CSMD1: variants seen among roughly 807,000 people sequenced by gnomAD.
The protein encoded by CSMD1 is CUB and Sushi multiple domains 1, also known as CUB and sushi domain-containing protein 1.
Under a neutral mutation model 417.5 loss-of-function variants are expected in CSMD1, and 213 were observed. The observed-to-expected ratio is 0.51, with a 90% CI of 0.46 to 0.57. CSMD1 has a LOEUF of 0.57. Ranked by LOEUF, CSMD1 falls within the 20% of genes least tolerant of loss-of-function variation. The pLI is 0.00. For synonymous variants in CSMD1, 2,862 were observed against 1,736.8 expected, an observed-to-expected ratio of 1.65 and a Z score of -16.11; for missense variants, 6,923 against 4,529.7, an observed-to-expected ratio of 1.53 and a Z score of -15.17.
intron 7 of CSMD1, among the ~76,000 whole-genome samples, chr8:3,634,876 G>C (rs1796955849): frequency 6.6e-6 from 1 of 152,124 alleles, no homozygotes; most frequent in Non-Finnish European, 1.5e-5. Context: ...CCCAATCCTA[G>C]ATAGTAGAGC....
intron 1 of CSMD1, chr8:4,787,783 G>A: frequency 2.5e-6 from 4 of 1,574,586 alleles, no homozygotes; most frequent in Non-Finnish European, 3.5e-6. Context: ...ACTTGTTACA[G>A]GCCAGACTGA....
At chr8:2,948,579 G>T (rs928894202) in intron 68 of CSMD1, among the ~76,000 whole-genome samples, 7 of 151,946 alleles carry the variant, frequency 4.6e-5, no homozygotes, top group African/African-American at 1.5e-4. Flanking sequence ...TGTTTCATAG[G>T]TAGTATAATT....
chr8:4,620,717 G>C (rs2616976), intron 2 of CSMD1, among the ~76,000 whole-genome samples: 75,692 of 151,532 alleles, frequency 0.5, 19,704 homozygotes, highest in African/African-American at 0.65. Context: ...TAAATTACTA[G>C]TAAATCACTA....
At chr8:4,119,823 A>T (rs1450400955) in intron 3 of CSMD1, among the ~76,000 whole-genome samples, 1 of 152,202 alleles carries the variant, frequency 6.6e-6, no homozygotes, top group African/African-American at 2.4e-5. Context: ...TATGATTTTA[A>T]AACTCCTACA....
intron 5 of CSMD1, among the ~76,000 whole-genome samples, chr8:3,900,970 G>C (rs148319182): frequency 5.2e-4 from 79 of 152,338 alleles, no homozygotes; most frequent in African/African-American, 1.7e-3. Context: ...AACAGAGCCT[G>C]AAACTTTATG....
intron 1 of CSMD1, among the ~76,000 whole-genome samples, chr8:4,957,610 A>G (rs1468619661): frequency 1.3e-5 from 2 of 152,194 alleles, no homozygotes; most frequent in African/African-American, 2.4e-5. Context: ...CATATGAAAG[A>G]AAAAAATGCA....
chr8:4,004,870 G>A (rs770822549), intron 4 of CSMD1, among the ~76,000 whole-genome samples: 15 of 152,010 alleles, frequency 9.9e-5, no homozygotes, highest in South Asian at 4.2e-4. Context: ...TCAGCCTCCC[G>A]AGTAGCTGGG....
chr8:3,791,188 T>A (rs1799719634), intron 5 of CSMD1, among the ~76,000 whole-genome samples: 1 of 152,160 alleles, frequency 6.6e-6, no homozygotes, highest in Non-Finnish European at 1.5e-5. Flanking sequence ...TTTAGATGTG[T>A]TTGTAAACCC....
chr8:3,626,318 G>A (rs1796491237), intron 7 of CSMD1, among the ~76,000 whole-genome samples: 2 of 152,066 alleles, frequency 1.3e-5, no homozygotes, highest in African/African-American at 4.8e-5. Flanking sequence ...TAGTTTTGGG[G>A]GCTCACTCAA....
intron 3 of CSMD1, among the ~76,000 whole-genome samples, chr8:4,066,764 A>C (rs1458585333): frequency 6.6e-6 from 1 of 152,162 alleles, no homozygotes; most frequent in Non-Finnish European, 1.5e-5. Flanking sequence ...ACAAGCAAAT[A>C]CGGAAAGGGG....
chr8:3,351,425 A>C (rs1230396793), intron 21 of CSMD1, among the ~76,000 whole-genome samples: 2 of 152,066 alleles, frequency 1.3e-5, no homozygotes, highest in African/African-American at 4.8e-5. Flanking sequence ...AGCCTGGCCA[A>C]CATGGTGAAA....
chr8:4,364,345 C>G (rs1801947116), intron 3 of CSMD1, among the ~76,000 whole-genome samples: 1 of 152,124 alleles, frequency 6.6e-6, no homozygotes, highest in South Asian at 2.1e-4. Flanking sequence ...AAAGAGAAAT[C>G]TTACCTAAGA....
At chr8:4,870,974 G>A (rs558001839) in intron 1 of CSMD1, among the ~76,000 whole-genome samples, 2 of 152,032 alleles carry the variant, frequency 1.3e-5, no homozygotes, top group Non-Finnish European at 2.9e-5. Context: ...GAAGAGTCAG[G>A]GACTCAGGGG....
intron 5 of CSMD1, among the ~76,000 whole-genome samples, chr8:3,991,502 A>G (rs1180592622): frequency 6.6e-6 from 1 of 152,190 alleles, no homozygotes; most frequent in Non-Finnish European, 1.5e-5. Context: ...ATACCCAGAA[A>G]TATGCTCAAC....
intron 1 of CSMD1, among the ~76,000 whole-genome samples, chr8:4,790,758 G>C (rs1413356464): frequency 6.6e-6 from 1 of 152,186 alleles, no homozygotes; most frequent in Non-Finnish European, 1.5e-5. Flanking sequence ...AATAAATGGT[G>C]CTAAGATAAA....
chr8:3,385,056 T>A (rs1187553065), intron 18 of CSMD1, among the ~76,000 whole-genome samples: 1 of 104,384 alleles, frequency 9.6e-6, no homozygotes, highest in East Asian at 4.3e-4. Context: ...AAATATATAA[T>A]ATATAATATA....
chr8:4,584,083 A>G lies in CSMD1; in HGVS notation c.302+53259T>C, dbSNP rs150968970. Among the ~76,000 whole-genome samples the G allele has an allele frequency of 4.9e-4, 75 of 152,044 alleles. No homozygotes were observed. In the East Asian group the frequency reaches 0.013, roughly 27 times the overall value. ...GCAGTTTCACTCCTGAGCCAGCAAG[A>G]CCACGAACCCACTAGAAGGAAGAAA... On this transcript the variant is annotated intron_variant, in intron 2 of 69. Transcript: ENST00000635120.
intron 5 of CSMD1, among the ~76,000 whole-genome samples, chr8:3,984,875 G>T (rs896656269): frequency 6.6e-6 from 1 of 151,562 alleles, no homozygotes; most frequent in East Asian, 1.9e-4. Context: ...GAGAAAGTTT[G>T]AATCTATGTC....
intron 1 of CSMD1, among the ~76,000 whole-genome samples, chr8:4,807,652 G>A (rs562503340): frequency 6.6e-5 from 10 of 152,158 alleles, no homozygotes; most frequent in South Asian, 6.2e-4. Flanking sequence ...ACATAATACT[G>A]TACATGCACA....
Sources: allele counts gnomAD v4.1 joint callset (sites outside exome capture counted in the v4.1 genomes callset), GRCh38; gene constraint gnomAD v4.1.1; transcripts MANE v1.5; gene names NCBI Gene and HGNC (gene_info 2026-07-23, HGNC 2026-07-21).